SAMD5: variants seen among roughly 807,000 people sequenced by gnomAD.
The protein encoded by SAMD5 is sterile alpha motif domain-containing protein 5.
A neutral mutation model predicts 11.3 loss-of-function variants in SAMD5; 13 were observed. The ratio of observed to expected loss-of-function variants is 1.15; its 90% confidence interval spans 0.75 to 1.83. The LOEUF (loss-of-function observed/expected upper bound fraction) is 1.83, where lower values mean the gene tolerates loss of function less well. Ranked by LOEUF, SAMD5 falls within the 40% of genes most tolerant of loss-of-function variation. The probability of loss-of-function intolerance (pLI) is 0.00; values close to 1 mark genes in which losing one functional copy is unlikely to be tolerated. For missense variants in SAMD5, 255 were observed against 239.1 expected (o/e 1.07, Z -0.44); for synonymous variants, 129 against 111.3 (o/e 1.16, Z -1.00).
chr6:147,612,165 T>A (rs1789797408), intron 1 of SAMD5, among the ~76,000 whole-genome samples: 2 of 152,180 alleles, frequency 1.3e-5, no homozygotes, highest in South Asian at 4.1e-4. Context: ...TCCTAACCCT[T>A]AACTCTAACC....
At chr6:147,712,638 T>C (rs753224217) in intron 1 of SAMD5, among the ~76,000 whole-genome samples, 25 of 152,088 alleles carry the variant, frequency 1.6e-4, no homozygotes, top group Admixed American at 4.6e-4. Flanking sequence ...ATGGGATTAG[T>C]GCCCTTTTAA....
chr6:147,901,963 T>C, the SAMD5 span, among the ~76,000 whole-genome samples: 2 of 152,184 alleles, frequency 1.3e-5, no homozygotes, highest in African/African-American at 2.4e-5. Context: ...CTTAATGATA[T>C]TCTTTATTTC....
intron 1 of SAMD5, among the ~76,000 whole-genome samples, chr6:147,643,235 G>A (rs1790340439): frequency 6.6e-6 from 1 of 152,028 alleles, no homozygotes; most frequent in South Asian, 2.1e-4. Context: ...ATTTTTGTTT[G>A]TAGTTAACTC....
chr6:147,633,747 C>T (rs1488543061), intron 1 of SAMD5, among the ~76,000 whole-genome samples: 2 of 148,054 alleles, frequency 1.4e-5, no homozygotes, highest in African/African-American at 5.0e-5. Flanking sequence ...ATTCTCCTTC[C>T]TCTTCTTTTC....
At chr6:147,855,893 C>T in the SAMD5 span, among the ~76,000 whole-genome samples, 1 of 152,136 alleles carries the variant, frequency 6.6e-6, no homozygotes, top group South Asian at 2.1e-4. Flanking sequence ...AAAAATACAC[C>T]TACCATATGA....
intron 1 of SAMD5, among the ~76,000 whole-genome samples, chr6:147,522,379 T>A (rs1054667154): frequency 2.0e-5 from 3 of 152,188 alleles, no homozygotes; most frequent in African/African-American, 7.2e-5. Flanking sequence ...ATCCTTCTTT[T>A]CCTAATTTTG....
At chr6:147,675,962 C>T (rs765197701) in intron 1 of SAMD5, 1 of 152,186 alleles carries the variant, frequency 6.6e-6, no homozygotes, top group Non-Finnish European at 1.5e-5. Context: ...GCTTAAGTTT[C>T]AATATATCAA....
the SAMD5 span, among the ~76,000 whole-genome samples, chr6:147,914,119 C>T: frequency 6.6e-6 from 1 of 150,482 alleles, no homozygotes; most frequent in East Asian, 2.0e-4. Context: ...AGCACAAATT[C>T]ATAAACTTCC....
chr6:147,629,031 G>A (rs138895951), intron 1 of SAMD5, among the ~76,000 whole-genome samples: 2,401 of 152,138 alleles, frequency 0.016, 24 homozygotes, highest in Non-Finnish European at 0.025. Context: ...TGGCTCACGC[G>A]TGTAATCCCA....
chr6:147,576,573 C>T (rs758297087), intron 1 of SAMD5, among the ~76,000 whole-genome samples: 13 of 152,146 alleles, frequency 8.5e-5, no homozygotes, highest in South Asian at 4.1e-4. Flanking sequence ...CTCTTCACTA[C>T]CAGGTGGCCT....
the SAMD5 span, among the ~76,000 whole-genome samples, chr6:147,901,858 C>T: frequency 0.029 from 4,401 of 152,240 alleles, 106 homozygotes; most frequent in Middle Eastern, 0.051. Flanking sequence ...TTAGGAATCC[C>T]CTACCAATAT....
the SAMD5 span, among the ~76,000 whole-genome samples, chr6:147,838,539 C>CCG: frequency 4.1e-5 from 6 of 145,544 alleles, no homozygotes; most frequent in South Asian, 4.7e-4. Flanking sequence ...CTGCCCCCCC[C>CCG]CCGTAGTTAT....
At chr6:147,825,909 G>A in the SAMD5 span, among the ~76,000 whole-genome samples, 156 of 152,250 alleles carry the variant, frequency 1.0e-3, 1 homozygote, top group Admixed American at 2.4e-3. Context: ...ATAACTTTTA[G>A]TTGAGTAAAT....
chr6:147,677,543 T>C (rs978392826), intron 1 of SAMD5, among the ~76,000 whole-genome samples: 2 of 152,116 alleles, frequency 1.3e-5, no homozygotes, highest in Non-Finnish European at 1.5e-5. Flanking sequence ...ACAGAGAGAA[T>C]GGGATTGAGT....
At chr6:147,929,767 G>T in the SAMD5 span, among the ~76,000 whole-genome samples, 5 of 152,102 alleles carry the variant, frequency 3.3e-5, no homozygotes, top group African/African-American at 1.2e-4. Context: ...ACAAATCTTG[G>T]TAACATTGGG....
the SAMD5 span, among the ~76,000 whole-genome samples, chr6:147,851,402 T>C: frequency 1.3e-5 from 2 of 152,194 alleles, no homozygotes; most frequent in Admixed American, 1.3e-4. Flanking sequence ...TCTTAGAACA[T>C]ACCCCCCTCA....
chr6:147,941,832 T>C, the SAMD5 span, among the ~76,000 whole-genome samples: 1 of 148,010 alleles, frequency 6.8e-6, no homozygotes, highest in Non-Finnish European at 1.5e-5. Flanking sequence ...CAAACTAAAA[T>C]TGTGTGTGTG....
chr6:147,688,105 AT>A (rs1791044834), intron 1 of SAMD5, among the ~76,000 whole-genome samples: 1 of 148,272 alleles, frequency 6.7e-6, no homozygotes, highest in Non-Finnish European at 1.5e-5. Context: ...TTTTTATGTC[AT>A]TTTTGACTCT....
At chr6:147,825,876 A>G in the SAMD5 span, among the ~76,000 whole-genome samples, 3 of 152,236 alleles carry the variant, frequency 2.0e-5, no homozygotes, top group East Asian at 1.9e-4. Flanking sequence ...ACTGATTTTA[A>G]TTCATTTACA....
Sources: allele counts gnomAD v4.1 joint callset (sites outside exome capture counted in the v4.1 genomes callset), GRCh38; gene constraint gnomAD v4.1.1; transcripts MANE v1.5; gene names NCBI Gene and HGNC (gene_info 2026-07-23, HGNC 2026-07-21).